Variants in WLS observed in about 807,000 individuals in gnomAD.
WLS encodes Wnt ligand secretion mediator.
A neutral mutation model predicts 62.8 loss-of-function variants in WLS; 23 were observed. The observed-to-expected ratio is 0.37, with a 90% CI of 0.26 to 0.52. The LOEUF is 0.52. Ranked by LOEUF, WLS falls within the 20% of genes least tolerant of loss-of-function variation. The pLI, the probability that WLS is intolerant of heterozygous loss-of-function variation, is 0.92. For missense variants in WLS, 615 were observed against 697.3 expected (o/e 0.88, Z 1.33); for synonymous variants, 246 against 244.1 (o/e 1.01, Z -0.07).
chr1:68,200,842 T>G (rs990153069), intron 1 of WLS, among the ~76,000 whole-genome samples: 7 of 152,190 alleles, frequency 4.6e-5, no homozygotes, highest in Non-Finnish European at 7.3e-5. Context: ...TGAGAACTTA[T>G]ATAAAACATA....
intron 11 of WLS, among the ~76,000 whole-genome samples, chr1:68,135,127 CTTTCTTTTCT>C (rs55693104): frequency 5.3e-4 from 79 of 150,304 alleles, no homozygotes; most frequent in African/African-American, 4.7e-4. Flanking sequence ...CAACCATGGA[CTTTCTTTTCT>C]TTTCTTTTCT....
intron 11 of WLS, among the ~76,000 whole-genome samples, chr1:68,137,251 A>G (rs191470032): frequency 7.3e-6 from 1 of 137,432 alleles, no homozygotes. Flanking sequence ...AAAAGGCAGC[A>G]GCACATACCA....
chr1:68,125,063 G>A (rs1646409576), downstream of WLS, among the ~76,000 whole-genome samples: 2 of 152,186 alleles, frequency 1.3e-5, no homozygotes, highest in Non-Finnish European at 2.9e-5. Context: ...TCCAGTGCAA[G>A]TGTTAAAATA....
At position 68,227,341 on chromosome 1, in the gene WLS, C is replaced by T. The variant is rs113992033; in HGVS notation, c.106+4853G>A. Among the ~76,000 whole-genome samples the T allele has an allele frequency of 3.2e-3, 481 of 148,170 alleles. 7 individuals carry two copies. Among genetic ancestry groups the T allele is most frequent in the African/African-American group, 0.012 (465 of 39,900 alleles). On this transcript the variant is annotated intron_variant, in intron 1 of 11. Coordinates refer to ENST00000262348, the MANE Select transcript of WLS (RefSeq NM_024911.7). ...CTGAGGCAGGAGAATCACTTGAACC[C>T]GGGAGGCGGAGGTTGCAGTGAGCCA...
At chr1:68,157,781 C>T (rs1302729420) in intron 3 of WLS, among the ~76,000 whole-genome samples, 1 of 152,148 alleles carries the variant, frequency 6.6e-6, no homozygotes, top group African/African-American at 2.4e-5. Flanking sequence ...CATTAAGAAG[C>T]AGTTGCAGGC....
chr1:68,117,569 G>T (rs1646308405), intron 11 of WLS: 1 of 152,414 alleles, frequency 6.6e-6, no homozygotes, highest in Admixed American at 6.5e-5. Context: ...GCAGCTTCCT[G>T]GGAGCTCCAG....
At chr1:68,148,233 A>C in intron 7 of WLS, 34 bp from the exon 8 acceptor site, 6 of 1,608,050 alleles carry the variant, frequency 3.7e-6, no homozygotes, top group Non-Finnish European at 5.1e-6. Context: ...GGCAAGACAC[A>C]ATTAATACAA....
Position 68,098,705 on chromosome 1 carries a change from GAAAC to G in WLS, c.1555_1558del (p.Val519ArgfsTer63), listed in dbSNP as rs753403604. The G allele has an allele frequency of 4.5e-5, 73 of 1,613,728 alleles. No homozygotes were observed. The highest frequency in any genetic ancestry group is 2.0e-4 in the Admixed American group (12 of 59,970). ...GCTGAACAATTCTTGATAAAGTTCC[GAAAC>G]AAACAAAGCACAATCTTCCCTCGAT... On this transcript the variant is annotated frameshift_variant, in exon 12 of 12. Transcript: ENST00000354777. LOFTEE classifies it low-confidence loss of function (END_TRUNC).
intron 2 of WLS, among the ~76,000 whole-genome samples, chr1:68,164,177 CA>C (rs1414304309): frequency 1.3e-5 from 2 of 151,840 alleles, no homozygotes; most frequent in Admixed American, 1.3e-4. Flanking sequence ...AAAATAAAGA[CA>C]AAGACAGTAA....
intron 1 of WLS, among the ~76,000 whole-genome samples, chr1:68,220,705 T>C (rs1349433101): frequency 1.3e-5 from 2 of 152,188 alleles, no homozygotes; most frequent in Non-Finnish European, 2.9e-5. Context: ...CTTATTTTTA[T>C]AGCGTGACTA....
At chr1:68,113,011 T>C (rs1328337044) in intron 11 of WLS, among the ~76,000 whole-genome samples, 1 of 152,212 alleles carries the variant, frequency 6.6e-6, no homozygotes, top group Admixed American at 6.5e-5. Flanking sequence ...GAACTTGGCT[T>C]GGAACGCCTT....
At chr1:68,107,378 A>AC (rs902294766) in intron 11 of WLS, among the ~76,000 whole-genome samples, 2 of 152,162 alleles carry the variant, frequency 1.3e-5, no homozygotes, top group African/African-American at 4.8e-5. Flanking sequence ...AGGATGTTTA[A>AC]CAGCTGGAAG....
At chr1:68,154,431 A>G (rs1387290499) in intron 4 of WLS, among the ~76,000 whole-genome samples, 4 of 152,256 alleles carry the variant, frequency 2.6e-5, no homozygotes, top group Non-Finnish European at 5.9e-5. Context: ...AATATTGGAA[A>G]GTATATTTAT....
At chr1:68,100,586 A>G (rs958605232) in intron 11 of WLS, 1 of 152,192 alleles carries the variant, frequency 6.6e-6, no homozygotes, top group Non-Finnish European at 1.5e-5. Context: ...AGAAATTAAA[A>G]TTGAATTGTC....
chr1:68,139,035 G>A (rs1646650515), intron 10 of WLS, among the ~76,000 whole-genome samples: 1 of 152,154 alleles, frequency 6.6e-6, no homozygotes, highest in African/African-American at 2.4e-5. Context: ...CCAAATTAAG[G>A]TCTAAGTATA....
chr1:68,206,052 T>C (rs1291274382), intron 1 of WLS, among the ~76,000 whole-genome samples: 1 of 152,176 alleles, frequency 6.6e-6, no homozygotes, highest in East Asian at 1.9e-4. Context: ...AAGAGCGATG[T>C]AGGATGAACA....
intron 10 of WLS, chr1:68,142,685 G>A (rs1646701513): frequency 6.6e-6 from 1 of 152,172 alleles, no homozygotes; most frequent in Non-Finnish European, 1.5e-5. Context: ...CAGATGTGGT[G>A]AACAGAACTT....
chr1:68,228,120 C>T (rs1650243225), intron 1 of WLS: 3 of 353,272 alleles, frequency 8.5e-6, no homozygotes, highest in African/African-American at 6.5e-5. Flanking sequence ...ATTACATCCT[C>T]AACATTAAAA....
chr1:68,104,319 C>G (rs921737331), intron 11 of WLS, among the ~76,000 whole-genome samples: 5 of 152,248 alleles, frequency 3.3e-5, no homozygotes, highest in Non-Finnish European at 5.9e-5. Context: ...ACTCAGTATT[C>G]TAGACTTAGC....
Sources: allele counts gnomAD v4.1 joint callset (sites outside exome capture counted in the v4.1 genomes callset), GRCh38; gene constraint gnomAD v4.1.1; transcripts MANE v1.5; gene names NCBI Gene and HGNC (gene_info 2026-07-23, HGNC 2026-07-21).